The following GET1 variants were observed in gnomAD, a reference collection of about 807,000 sequenced individuals.
The protein encoded by GET1 is guided entry of tail-anchored proteins factor 1.
GET1 carries 20 observed loss-of-function variants against 22.6 expected under a neutral mutation model. The ratio of observed to expected loss-of-function variants is 0.89; its 90% CI spans 0.62 to 1.29. GET1 has a LOEUF of 1.29. GET1 is among the 50% of genes most tolerant of loss of function. The pLI is 0.00. For missense variants in GET1, 209 were observed against 219.9 expected (o/e 0.95, Z 0.31); for synonymous variants, 92 against 83.8 (o/e 1.10, Z -0.53).
downstream of GET1, among the ~76,000 whole-genome samples, chr21:39,408,453 A>G (rs1466109251): frequency 6.6e-6 from 1 of 152,216 alleles, no homozygotes; most frequent in Non-Finnish European, 1.5e-5. Flanking sequence ...ATGAAGGGCA[A>G]TCCCAGGATG....
At chr21:39,405,890 T>G in intron 4 of GET1, 1 of 1,573,594 alleles carries the variant, frequency 6.4e-7, no homozygotes, top group Non-Finnish European at 8.7e-7. Flanking sequence ...ATTTAAATAA[T>G]TATTTTTCTT....
At chr21:39,392,418 C>T (rs535478053) in intron 3 of GET1, among the ~76,000 whole-genome samples, 2 of 152,228 alleles carry the variant, frequency 1.3e-5, no homozygotes, top group Admixed American at 6.5e-5. Context: ...GATCCGGTAA[C>T]CAAGGCAAAG....
At position 39,420,834 on chromosome 21, in the gene GET1, T is replaced by C. The variant is rs776204001; in HGVS notation, c.*24-7398T>C. 3.7e-6 allele frequency: 6 copies of C among 1,612,672 alleles called. No individual in the cohort carries two copies. In the Admixed American group the frequency reaches 6.7e-5, roughly 18 times the overall value. ...GCTCTGCAGTTCAACCTCAGTTGTT[T>C]TTCCAAGCTCTGAAAACAGTATATA... On this transcript the variant is annotated intron_variant, in intron 1 of 1. Transcript: ENST00000478273.
Position 39,406,468 on chromosome 21 carries a change from A to G in GET1, c.*484A>G, listed in dbSNP as rs2039081757. On this transcript the variant is annotated 3_prime_UTR_variant, in exon 5 of 5. Coordinates refer to the GET1 transcript ENST00000415847. The stretch of plus-strand genomic sequence containing the variant: ...TTGATTGCTTTCTCTTTCAGGATGA[A>G]TAACTTCAATTATTTTTGGTGGTAG... The G allele has an allele frequency of 2.5e-6, 4 of 1,613,988 alleles. No individual in the cohort carries two copies. In the East Asian group the frequency reaches 6.7e-5, roughly 27 times the overall value.
downstream of GET1, among the ~76,000 whole-genome samples, chr21:39,398,611 G>GT (rs111949013): frequency 7.0e-3 from 900 of 127,762 alleles, 9 homozygotes; most frequent in African/African-American, 0.014. Flanking sequence ...AAATTATACA[G>GT]TTTTTTTTTT....
At chr21:39,387,720 A>G (rs2038008328) in intron 1 of GET1, 1 of 836,384 alleles carries the variant, frequency 1.2e-6, no homozygotes, top group African/African-American at 2.1e-5. Flanking sequence ...CTCATCACGC[A>G]GGCGCTGGTA....
chr21:39,395,474 C>T (rs1037093369), intron 4 of GET1, among the ~76,000 whole-genome samples: 10 of 152,052 alleles, frequency 6.6e-5, no homozygotes, highest in African/African-American at 2.2e-4. Context: ...AAGTGGTTCT[C>T]CTGCCTCAGC....
chr21:39,396,402 C>T (rs929896664), intron 4 of GET1, among the ~76,000 whole-genome samples: 4 of 152,148 alleles, frequency 2.6e-5, no homozygotes, highest in Admixed American at 2.6e-4. Flanking sequence ...GTGGCGGGCG[C>T]CTGTAGTCCC....
chr21:39,391,061 A>T (rs919607486), intron 2 of GET1, 198 bp downstream of exon 2: 1 of 500,012 alleles, frequency 2.0e-6, no homozygotes, highest in South Asian at 3.9e-5. Context: ...CTAAGCACAG[A>T]AATATCTAAG....
chr21:39,405,865 T>G, intron 4 of GET1: 2 of 1,518,300 alleles, frequency 1.3e-6, no homozygotes, highest in East Asian at 4.8e-5. Context: ...CAGAATGCAT[T>G]AGGATATTGA....
chr21:39,390,781 A>C lies in GET1; in HGVS notation c.186A>C (p.Thr62=). The change falls in exon 2 of 5, where the codon ACA becomes ACC. Residue 62 remains threonine (T), a synonymous_variant. Coordinates refer to ENST00000649170, the MANE Select transcript of GET1 (RefSeq NM_004627.6). The part of the protein sequence containing the change: ...EIQDMKQELS[T]VNMMDEFARY... Reference sequence around the variant, plus strand: ...AGGACATGAAGCAGGAGCTCTCCACAGTCAACATGATGGACGAGTTTGCCA... The same window carrying C: ...AGGACATGAAGCAGGAGCTCTCCACCGTCAACATGATGGACGAGTTTGCCA... 1.2e-6 allele frequency: 2 copies of C among 1,614,220 alleles called. No homozygotes were observed. Among genetic ancestry groups the C allele is most frequent in the South Asian group, 2.2e-5 (2 of 91,078 alleles).
Position 39,417,794 on chromosome 21 carries a change from C to G in GET1, c.*23+6857C>G, listed in dbSNP as rs573513339. 5.9e-5 allele frequency among the ~76,000 whole-genome samples: 9 copies of G among 151,948 alleles called. No homozygotes were observed. In the East Asian group the frequency reaches 1.7e-3, roughly 29 times the overall value. ...TTTTAATTTTTTTTTGAGATGGAGTCTCGCTCTGTCGCCCAGGCTGGAGTG... is the reference window on the plus strand; with the variant it reads ...TTTTAATTTTTTTTTGAGATGGAGTGTCGCTCTGTCGCCCAGGCTGGAGTG... On this transcript the variant is annotated intron_variant, in intron 1 of 1. Coordinates refer to the GET1 transcript ENST00000478273.
At chr21:39,385,328 C>A (rs1397003973) in intron 1 of GET1, among the ~76,000 whole-genome samples, 1 of 152,150 alleles carries the variant, frequency 6.6e-6, no homozygotes, top group Non-Finnish European at 1.5e-5. Flanking sequence ...CCGCGTGAGG[C>A]CTTAGGAGGT....
exon 2 of GET1, chr21:39,428,402 C>T: frequency 6.2e-7 from 1 of 1,612,954 alleles, no homozygotes; most frequent in Middle Eastern, 1.7e-4. Context: ...GCCTGGGCTT[C>T]TCTTGCATGC....
chr21:39,387,955 T>C (rs982937649), intron 1 of GET1: 2 of 738,102 alleles, frequency 2.7e-6, no homozygotes, highest in Non-Finnish European at 3.3e-6. Context: ...ATTTTTAAAA[T>C]TTCGAAACAA....
chr21:39,389,531 G>A (rs968134036), intron 1 of GET1, among the ~76,000 whole-genome samples: 1 of 152,156 alleles, frequency 6.6e-6, no homozygotes, highest in Non-Finnish European at 1.5e-5. Flanking sequence ...TCACCCTTTT[G>A]TAATTAATCT....
At chr21:39,407,615 A>G (rs1262266069), downstream of GET1, among the ~76,000 whole-genome samples, 1 of 152,202 alleles carries the variant, frequency 6.6e-6, no homozygotes, top group East Asian at 1.9e-4. Context: ...CAGTTATTAT[A>G]GACAATGAGC....
At chr21:39,388,373 A>T (rs2038068202) in intron 1 of GET1, among the ~76,000 whole-genome samples, 1 of 152,172 alleles carries the variant, frequency 6.6e-6, no homozygotes, top group African/African-American at 2.4e-5. Flanking sequence ...GACCCCATGC[A>T]GGTTCCCCAC....
downstream of GET1, among the ~76,000 whole-genome samples, chr21:39,407,473 C>T (rs867895948): frequency 7.9e-5 from 12 of 152,230 alleles, no homozygotes; most frequent in African/African-American, 2.9e-4. Flanking sequence ...AACGAACCTA[C>T]AAAAAATAGA....
Sources: gnomAD v4.1 joint callset for allele counts (sites outside exome capture counted in the v4.1 genomes callset) on GRCh38, gnomAD v4.1.1 for gene constraint, MANE v1.5 for transcripts, NCBI Gene and HGNC (gene_info 2026-07-23, HGNC 2026-07-21) for gene names.